STK11: variants seen among roughly 807,000 people sequenced by gnomAD.
The protein encoded by STK11 is serine/threonine-protein kinase STK11.
In STK11, 8 loss-of-function variants were observed where a neutral mutation model predicts 47.3. The ratio of observed to expected loss-of-function variants is 0.17; its 90% CI spans 0.10 to 0.31. The LOEUF (loss-of-function observed/expected upper bound fraction) is 0.31. Ranked by LOEUF, STK11 falls within the 10% of genes least tolerant of loss-of-function variation. STK11 has a pLI of 1.00. For missense variants in STK11, 475 were observed against 605.0 expected, an observed-to-expected ratio of 0.79 and a Z score of 2.25; for synonymous variants, 330 against 255.8, an observed-to-expected ratio of 1.29 and a Z score of -2.77.
chr19:1,206,484 C>G lies in STK11; in HGVS notation c.-430C>G, dbSNP rs115594813. ...GACCCGGCCTGTGGGATGGGCGGCC[C>G]GGAGAAGACTGCGCTCGGCCGTGTT... On this transcript the variant is annotated 5_prime_UTR_variant, in exon 1 of 10. Coordinates refer to ENST00000326873, the MANE Select transcript of STK11 (RefSeq NM_000455.5). 1 of 248,982 alleles carries G rather than the reference C, an allele frequency of 4.0e-6. No homozygotes were observed. The highest frequency in any genetic ancestry group is 7.8e-6 in the Non-Finnish European group (1 of 127,906). The allele number at this position is 248,982 out of a possible 1,614,324, so 15.4% of individuals were successfully genotyped here. A position where few individuals can be genotyped will look rare whatever the true frequency, so the allele number is the denominator to read the frequency against.
chr19:1,221,724 C>T, intron 6 of STK11: 1 of 609,530 alleles, frequency 1.6e-6, no homozygotes, highest in South Asian at 2.0e-5. Flanking sequence ...ACCGCCCTGG[C>T]CGTCCAGCCC....
chr19:1,215,285 G>A (rs988767264), intron 1 of STK11, among the ~76,000 whole-genome samples: 8 of 152,224 alleles, frequency 5.3e-5, no homozygotes, highest in African/African-American at 1.9e-4. Context: ...CTGGGAATTG[G>A]TGCCACCACC....
chr19:1,216,627 G>A (rs1599923170), intron 1 of STK11, among the ~76,000 whole-genome samples: 3 of 151,312 alleles, frequency 2.0e-5, no homozygotes, highest in African/African-American at 4.9e-5. Context: ...AGCGTTTTCC[G>A]AGGCCGAGGT....
intron 1 of STK11, among the ~76,000 whole-genome samples, chr19:1,212,719 T>G (rs1033424971): frequency 1.3e-5 from 2 of 152,112 alleles, no homozygotes; most frequent in African/African-American, 2.4e-5. Flanking sequence ...TTTGTTTTTG[T>G]ATTTTTAGTA....
rs79812763 is a variant in STK11 at position 1,221,022 on chromosome 19, C to T, written c.735-191C>T. Among the ~76,000 whole-genome samples the T allele has an allele frequency of 1.1e-4, 16 of 152,254 alleles. No individual in the cohort carries two copies. In the East Asian group the frequency reaches 2.5e-3, roughly 24 times the overall value. ...CTCCAGGCCCCTTCCCCGGGTGGGT[C>T]CAGAGGACACTCCCCTCCTACCCCG... On this transcript the variant is annotated intron_variant, in intron 5 of 9. Coordinates refer to ENST00000326873, the MANE Select transcript of STK11 (RefSeq NM_000455.5).
rs913326963 is a variant in STK11 at position 1,221,082 on chromosome 19, G to T, written c.735-131G>T. On this transcript the variant is annotated intron_variant, in intron 5 of 9. Coordinates refer to ENST00000326873, the MANE Select transcript of STK11 (RefSeq NM_000455.5). ...CTAGTGGAAGGTGGTGAAGACAGAG[G>T]TGTCCTTGAGTCCACAGGGCCTCTG... 20 of 1,318,106 alleles carry T rather than the reference G, an allele frequency of 1.5e-5. No homozygotes were observed. In the African/African-American group the frequency reaches 2.9e-4, roughly 19 times the overall value. 81.7% of individuals were successfully genotyped at this position (1,318,106 alleles called of 1,614,324 possible). A position where few individuals can be genotyped will look rare whatever the true frequency, so the allele number is the denominator to read the frequency against.
intron 1 of STK11, among the ~76,000 whole-genome samples, chr19:1,211,571 G>A (rs998362867): frequency 2.6e-5 from 4 of 152,242 alleles, no homozygotes; most frequent in Non-Finnish European, 5.9e-5. Context: ...CTCCGCAGAG[G>A]CACCCAGGGC....
At chr19:1,224,992 G>T in intron 8 of STK11, 1 of 985,632 alleles carries the variant, frequency 1.0e-6, no homozygotes, top group Non-Finnish European at 1.2e-6. Flanking sequence ...CTCTGCCGGG[G>T]CTGCTGCATC....
chr19:1,225,594 C>T lies in STK11; in HGVS notation c.1109-860C>T, dbSNP rs371751458. 40 of 985,394 alleles carry T rather than the reference C, an allele frequency of 4.1e-5. No individual in the cohort carries two copies. The African/African-American group carries it at 5.2e-4, about 13-fold the overall frequency. The allele number at this position is 985,394 out of a possible 1,614,324, so 61.0% of individuals were successfully genotyped here. On this transcript the variant is annotated intron_variant, in intron 8 of 9. Transcript: ENST00000326873. ...CAAGGTGCTTTTTTAAAGCTAGTGA[C>T]TTCCTGTGCACATGGGGTGGGTGTG... is the stretch of plus-strand genomic sequence containing the variant.
At position 1,224,552 on chromosome 19, in the gene STK11, G is replaced by T. The variant is rs749496328; in HGVS notation, c.1108+1380G>T. ...GGCAGGGCCAGCCCAGGCAGGTTGC[G>T]AGAGTCCCTACTGGGACGTGGACCA... On this transcript the variant is annotated intron_variant, in intron 8 of 9. Transcript: ENST00000326873. 50 of 985,470 alleles carry T rather than the reference G, an allele frequency of 5.1e-5. 1 individual carries two copies. Among genetic ancestry groups the T allele is most frequent in the Middle Eastern group, 1.0e-3 (2 of 1,914 alleles). The allele number at this position is 985,470 out of a possible 1,614,324, so 61.0% of individuals were successfully genotyped here. A position where few individuals can be genotyped will look rare whatever the true frequency, so the allele number is the denominator to read the frequency against.
chr19:1,222,126 C>T lies in STK11; in HGVS notation c.920+120C>T, dbSNP rs1440666907. 1.2e-5 allele frequency: 15 copies of T among 1,202,644 alleles called. No homozygotes were observed. In the East Asian group the frequency reaches 3.6e-4, roughly 29 times the overall value. 74.5% of individuals were successfully genotyped at this position (1,202,644 alleles called of 1,614,324 possible). A position where few individuals can be genotyped will look rare whatever the true frequency, so the allele number is the denominator to read the frequency against. On this transcript the variant is annotated intron_variant, in intron 7 of 9. Coordinates refer to ENST00000326873, the MANE Select transcript of STK11 (RefSeq NM_000455.5). ...GGTGCCAGGCTGGGCTGGGGCCAGA[C>T]CCCGTGCAGCGCCCGCAGTTCTCGG...
At chr19:1,208,993 T>G (rs1239169910) in intron 1 of STK11, among the ~76,000 whole-genome samples, 4 of 152,152 alleles carry the variant, frequency 2.6e-5, no homozygotes, top group Non-Finnish European at 5.9e-5. Flanking sequence ...GTTTGTACTC[T>G]GGAGCTGGAG....
chr19:1,207,905 C>T (rs2080679446), intron 1 of STK11, among the ~76,000 whole-genome samples: 1 of 152,226 alleles, frequency 6.6e-6, no homozygotes, highest in Non-Finnish European at 1.5e-5. Context: ...ATCCCGGACG[C>T]CTCTGCATCT....
chr19:1,215,844 C>G lies in STK11; in HGVS notation c.291-2573C>G, dbSNP rs556261840. ...CTCCGCCTCCCAGGTTCAAGCGATT[C>G]TCCTGCCTCAGCCTCCTGAGTAGCT... is the stretch of plus-strand genomic sequence containing the variant. On this transcript the variant is annotated intron_variant, in intron 1 of 9. Transcript: ENST00000326873. Among the ~76,000 whole-genome samples, 8 of 152,228 alleles carry G rather than the reference C, an allele frequency of 5.3e-5. No homozygotes were observed. In the East Asian group the frequency reaches 1.5e-3, roughly 29 times the overall value.
chr19:1,211,368 G>C (rs573849750), intron 1 of STK11, among the ~76,000 whole-genome samples: 1 of 152,236 alleles, frequency 6.6e-6, no homozygotes, highest in Admixed American at 6.5e-5. Flanking sequence ...GCAGGGAAGG[G>C]CTGGAAAGGG....
chr19:1,221,583 T>C, intron 6 of STK11: 2 of 628,990 alleles, frequency 3.2e-6, no homozygotes, highest in South Asian at 2.2e-5. Flanking sequence ...GCCCTGCGCC[T>C]CCCCCAGCCC....
At position 1,206,737 on chromosome 19, in the gene STK11, G is replaced by A; in HGVS notation, c.-177G>A. ...TTGGACTCGCAGCCGGGACTGACGTGTAGAACAATCGTTTCTGTTGGAAGA... is the reference window on the plus strand; with the variant it reads ...TTGGACTCGCAGCCGGGACTGACGTATAGAACAATCGTTTCTGTTGGAAGA... On this transcript the variant is annotated 5_prime_UTR_variant, in exon 1 of 10. Transcript: ENST00000326873. 2.2e-6 allele frequency: 2 copies of A among 890,712 alleles called. No homozygotes were observed. Among genetic ancestry groups the A allele is most frequent in the Middle Eastern group, 3.5e-4 (1 of 2,842 alleles). 55.2% of individuals were successfully genotyped at this position (890,712 alleles called of 1,614,324 possible).
chr19:1,206,804 T>G lies in STK11; in HGVS notation c.-110T>G, dbSNP rs938535486. On this transcript the variant is annotated 5_prime_UTR_variant, in exon 1 of 10. Coordinates refer to ENST00000326873, the MANE Select transcript of STK11 (RefSeq NM_000455.5). Reference sequence around the variant, plus strand: ...TTTTGGGGTTTTTGTTGCCTTTTTTTTTTCTTTTTTCTTTGTAAAATTTTG... The same window carrying G: ...TTTTGGGGTTTTTGTTGCCTTTTTTGTTTCTTTTTTCTTTGTAAAATTTTG... 2 of 1,365,352 alleles carry G rather than the reference T, an allele frequency of 1.5e-6. No homozygotes were observed. The highest frequency in any genetic ancestry group is 2.9e-5 in the African/African-American group (2 of 68,210). The allele number at this position is 1,365,352 out of a possible 1,614,324, so 84.6% of individuals were successfully genotyped here.
intron 3 of STK11, 36 bp downstream of exon 3, chr19:1,219,449 G>A (rs994299997): frequency 2.6e-6 from 4 of 1,544,542 alleles, no homozygotes; most frequent in African/African-American, 2.7e-5. Flanking sequence ...GTGGGGCGGG[G>A]GCCGGGGGCC....
Sources: allele counts gnomAD v4.1 joint callset (sites outside exome capture counted in the v4.1 genomes callset), GRCh38; gene constraint gnomAD v4.1.1; transcripts MANE v1.5; gene names NCBI Gene and HGNC (gene_info 2026-07-23, HGNC 2026-07-21).